CFAP54: variants seen among roughly 807,000 people sequenced by gnomAD.
The protein encoded by CFAP54 is cilia and flagella associated protein 54, also known as cilia- and flagella-associated protein 54.
CFAP54 carries 290 observed loss-of-function variants against 370.4 expected under a neutral mutation model. The observed-to-expected ratio is 0.78, with a 90% CI of 0.71 to 0.86. The LOEUF (loss-of-function observed/expected upper bound fraction) is 0.86, where lower values mean the gene tolerates loss of function less well. Among genes scored for constraint, CFAP54 ranks in the 40% least tolerant of loss-of-function variants. The pLI is 0.00. For missense variants in CFAP54, 3,399 were observed against 3,528.7 expected (o/e 0.96, Z 0.93); for synonymous variants, 1,206 against 1,236.5 (o/e 0.98, Z 0.52).
At chr12:96,560,693 G>A (rs1407759662) in intron 17 of CFAP54, among the ~76,000 whole-genome samples, 2 of 152,130 alleles carry the variant, frequency 1.3e-5, no homozygotes, top group Non-Finnish European at 1.5e-5. Flanking sequence ...GTGAGGCAAA[G>A]TGCAATCGTT....
chr12:96,737,798 A>G (rs1237265865), intron 50 of CFAP54, among the ~76,000 whole-genome samples: 2 of 151,692 alleles, frequency 1.3e-5, no homozygotes, highest in East Asian at 3.9e-4. Flanking sequence ...ATATAGATCA[A>G]TAGACCTGTA....
chr12:96,598,617 C>T, intron 25 of CFAP54, 28 bp from the exon 26 acceptor site: 2 of 584,008 alleles, frequency 3.4e-6, no homozygotes, highest in South Asian at 2.2e-5. Context: ...CATTTTAAAA[C>T]AAAAATCATT....
chr12:96,551,895 T>A (rs1355293595), intron 15 of CFAP54, among the ~76,000 whole-genome samples: 1 of 152,046 alleles, frequency 6.6e-6, no homozygotes, highest in Admixed American at 6.5e-5. Flanking sequence ...GTCCTGGAAG[T>A]CTTAGACAGA....
intron 26 of CFAP54, among the ~76,000 whole-genome samples, chr12:96,618,135 T>A (rs1956443261): frequency 6.6e-6 from 1 of 152,092 alleles, no homozygotes; most frequent in African/African-American, 2.4e-5. Flanking sequence ...TGAACACAAC[T>A]ACTTACGTTT....
chr12:96,724,182 T>A (rs1185479732), intron 50 of CFAP54, among the ~76,000 whole-genome samples: 4 of 150,534 alleles, frequency 2.7e-5, no homozygotes, highest in Non-Finnish European at 4.4e-5. Context: ...GTCCTTTGGG[T>A]ATATACCCAG....
rs181230053 is a variant in CFAP54, at chr12:96,665,047, T to A, written c.5563+1115T>A. On this transcript the variant is annotated intron_variant, in intron 39 of 67. Coordinates refer to ENST00000524981, the MANE Select transcript of CFAP54 (RefSeq NM_001306084.2). ...AGATGGTATCTCATTGTTGTTTTGA[T>A]TTGCATTTCTCCAATGATCAGTGAT... 1.4e-4 allele frequency among the ~76,000 whole-genome samples: 21 copies of A among 152,036 alleles called. No homozygotes were observed. In the East Asian group the frequency reaches 4.1e-3, roughly 29 times the overall value.
intron 32 of CFAP54, among the ~76,000 whole-genome samples, chr12:96,642,279 C>T (rs1298343637): frequency 6.6e-6 from 1 of 152,030 alleles, no homozygotes; most frequent in Non-Finnish European, 1.5e-5. Context: ...TTGTACACAC[C>T]TTGTACAGCC....
At chr12:96,544,183 T>C (rs1303841247) in intron 14 of CFAP54, among the ~76,000 whole-genome samples, 1 of 151,230 alleles carries the variant, frequency 6.6e-6, no homozygotes, top group African/African-American at 2.4e-5. Flanking sequence ...GTTTTATATA[T>C]ATATATAAAT....
intron 26 of CFAP54, among the ~76,000 whole-genome samples, chr12:96,600,347 A>G (rs888064055): frequency 4.7e-5 from 7 of 150,222 alleles, no homozygotes; most frequent in African/African-American, 1.7e-4. Context: ...TGGCCTATGT[A>G]TCTGTTTTGG....
chr12:96,653,615 G>A (rs760564547), intron 36 of CFAP54, among the ~76,000 whole-genome samples: 114 of 151,650 alleles, frequency 7.5e-4, no homozygotes, highest in Non-Finnish European at 9.3e-4. Context: ...AATGAAGCAG[G>A]GCATAGACGG....
At chr12:96,700,186 A>C in intron 46 of CFAP54, 93 bp downstream of exon 46, 1 of 1,351,790 alleles carries the variant, frequency 7.4e-7, no homozygotes, top group Non-Finnish European at 1.0e-6. Flanking sequence ...TGTATTTACA[A>C]TCTCTGGTAT....
rs1365461799 is a variant in CFAP54, at chr12:96,825,300, TTA to T, written c.9097-3705_9097-3704del. ...GTTATATTATATATAATATAATATATTATATATATAATATAATATATATTATA... is the reference window on the plus strand; with the variant it reads ...GTTATATTATATATAATATAATATATTATATATAATATAATATATATTATA... On this transcript the variant is annotated intron_variant, in intron 65 of 67. Coordinates refer to ENST00000524981, the MANE Select transcript of CFAP54 (RefSeq NM_001306084.2). 2.3e-3 allele frequency among the ~76,000 whole-genome samples: 297 copies of T among 127,314 alleles called. 5 individuals carry two copies. The East Asian group carries it at 0.03, about 13-fold the overall frequency. 83.5% of individuals were successfully genotyped at this position (127,314 alleles called of 152,430 possible).
intron 66 of CFAP54, among the ~76,000 whole-genome samples, chr12:96,837,027 G>T (rs1161946978): frequency 2.0e-5 from 3 of 152,066 alleles, no homozygotes; most frequent in Non-Finnish European, 4.4e-5. Flanking sequence ...CCATCGTGTT[G>T]CCCAGGCTGG....
At chr12:96,683,554 C>T (rs934307146) in intron 40 of CFAP54, among the ~76,000 whole-genome samples, 1 of 152,186 alleles carries the variant, frequency 6.6e-6, no homozygotes, top group African/African-American at 2.4e-5. Context: ...ATCATCTTTT[C>T]CTTCACTGTA....
At chr12:96,580,398 T>A (rs1956021153) in intron 20 of CFAP54, among the ~76,000 whole-genome samples, 199 bp from the exon 21 acceptor site, 1 of 152,186 alleles carries the variant, frequency 6.6e-6, no homozygotes, top group Non-Finnish European at 1.5e-5. Context: ...TAATAATGAA[T>A]AATATCTTAG....
chr12:96,712,205 T>C (rs1329263597), intron 48 of CFAP54, among the ~76,000 whole-genome samples: 1 of 152,182 alleles, frequency 6.6e-6, no homozygotes, highest in Non-Finnish European at 1.5e-5. Context: ...CACCATTACT[T>C]ACTGCGTTTC....
At chr12:96,743,094 G>A (rs181472757) in intron 52 of CFAP54, among the ~76,000 whole-genome samples, 78 of 152,244 alleles carry the variant, frequency 5.1e-4, no homozygotes, top group Non-Finnish European at 7.2e-4. Context: ...GTAAATGTTA[G>A]TTCTTGCAGT....
At chr12:96,789,637 A>G (rs897793542) in intron 62 of CFAP54, among the ~76,000 whole-genome samples, 4 of 152,230 alleles carry the variant, frequency 2.6e-5, no homozygotes, top group Admixed American at 1.3e-4. Flanking sequence ...GCAGCCTATC[A>G]TTACCCATTT....
At chr12:96,650,282 G>A (rs1012172977) in intron 35 of CFAP54, among the ~76,000 whole-genome samples, 2 of 152,098 alleles carry the variant, frequency 1.3e-5, no homozygotes, top group Admixed American at 1.3e-4. Context: ...CAGGCAGAGG[G>A]GGGAAGCTTC....
Sources: gnomAD v4.1 joint callset for allele counts (sites outside exome capture counted in the v4.1 genomes callset) on GRCh38, gnomAD v4.1.1 for gene constraint, MANE v1.5 for transcripts, NCBI Gene and HGNC (gene_info 2026-07-23, HGNC 2026-07-21) for gene names.